ALPK1: variants seen among roughly 807,000 people sequenced by gnomAD.
The protein encoded by ALPK1 is alpha kinase 1, also known as alpha-protein kinase 1.
Under a neutral mutation model 120.6 loss-of-function variants are expected in ALPK1, and 110 were observed. The observed-to-expected ratio is 0.91, with a 90% CI of 0.78 to 1.07. The LOEUF (loss-of-function observed/expected upper bound fraction) is 1.07, where lower values mean the gene tolerates loss of function less well. ALPK1 is among the 50% of genes least tolerant of loss of function. ALPK1 has a pLI of 0.00. For missense variants in ALPK1, 1,498 were observed against 1,483.9 expected, an observed-to-expected ratio of 1.01 and a Z score of -0.16; for synonymous variants, 582 against 560.3, an observed-to-expected ratio of 1.04 and a Z score of -0.55.
intron 2 of ALPK1, among the ~76,000 whole-genome samples, chr4:112,374,304 A>G (rs1454846110): frequency 2.0e-5 from 3 of 152,218 alleles, no homozygotes. Context: ...GCAACGTCCC[A>G]TTCATTCAAG....
Position 112,432,268 on chromosome 4 carries a change from C to G in ALPK1, c.2721C>G (p.Thr907=), listed in dbSNP as rs201034568. ...LFPVLSEDCT[T]TEEGNQPGNM... is the part of the protein sequence containing the mutation. ...CTGTCCTCAGCGAGGACTGCACTAC[C>G]ACAGAGGAAGGAAATCAGCCTGGAA... Residue 907 remains threonine (T), a synonymous_variant, in exon 11 of 16, where the codon ACC becomes ACG. Transcript: ENST00000650871. 9 of 1,614,210 alleles carry G rather than the reference C, an allele frequency of 5.6e-6. No individual in the cohort carries two copies. In the East Asian group the frequency reaches 1.6e-4, roughly 28 times the overall value.
chr4:112,359,836 T>C, intron 2 of ALPK1: 1 of 367,494 alleles, frequency 2.7e-6, no homozygotes, highest in South Asian at 2.3e-5. Flanking sequence ...ATGGAGGCCC[T>C]CAGCATGCCC....
intron 2 of ALPK1, among the ~76,000 whole-genome samples, chr4:112,331,615 A>G (rs1729372617): frequency 6.6e-6 from 1 of 152,214 alleles, no homozygotes; most frequent in African/African-American, 2.4e-5. Context: ...CAGTTTACAT[A>G]TGACAGTGTA....
At position 112,430,672 on chromosome 4, in the gene ALPK1, C is replaced by T. The variant is rs1734498645; in HGVS notation, c.1125C>T (p.Val375=). 2 of 1,614,148 alleles carry T rather than the reference C, an allele frequency of 1.2e-6. No individual in the cohort carries two copies. The highest frequency in any genetic ancestry group is 1.3e-5 in the African/African-American group (1 of 75,034). The change falls in exon 11 of 16, where the codon GTC becomes GTT. Residue 375 remains valine, a synonymous_variant. Transcript: ENST00000650871. The part of the protein sequence containing the change: ...HRRLHGETGT[V]HAASQLCKEA... Reference sequence around the variant, plus strand: ...GGCTCCATGGGGAGACAGGGACGGTCCATGCAGCAAGTCAGCTCTGTAAGG... The same window carrying T: ...GGCTCCATGGGGAGACAGGGACGGTTCATGCAGCAAGTCAGCTCTGTAAGG...
At chr4:112,351,030 T>C (rs1357259021) in intron 2 of ALPK1, among the ~76,000 whole-genome samples, 2 of 152,170 alleles carry the variant, frequency 1.3e-5, no homozygotes, top group African/African-American at 4.8e-5. Flanking sequence ...CAGGCTTGAC[T>C]CACCTTGACC....
chr4:112,313,444 C>G (rs6834329), intron 1 of ALPK1, among the ~76,000 whole-genome samples: 53,757 of 152,086 alleles, frequency 0.35, 10,961 homozygotes, highest in African/African-American at 0.56. Flanking sequence ...TGCTGGAGGC[C>G]GGGCATGGTG....
rs755915623 is a variant in ALPK1, at chr4:112,432,538, G to A, written c.2991G>A (p.Glu997=). 1.8e-5 allele frequency: 29 copies of A among 1,613,918 alleles called. No individual in the cohort carries two copies. Among genetic ancestry groups the A allele is most frequent in the Middle Eastern group, 3.3e-4 (2 of 6,084 alleles). ...ATGATTGGCTGTTTCAGAGACTAGA[G>A]AATACGGGGGTTTTTAAGCCCAGTC... ...VRHDWLFQRL[E]NTGVFKPSQL... is the part of the protein sequence containing the mutation. Residue 997 remains glutamate (E), a synonymous_variant, in exon 11 of 16, where the codon GAG becomes GAA. Transcript: ENST00000650871.
chr4:112,382,289 CTTTTTTTTTT>C (rs34345428), intron 3 of ALPK1, 99 bp from the exon 4 acceptor site: 44 of 671,314 alleles, frequency 6.6e-5, no homozygotes, highest in Middle Eastern at 5.1e-4. Context: ...AGGTTTTTCT[CTTTTTTTTTT>C]TTTTTTTTTT....
intron 2 of ALPK1, among the ~76,000 whole-genome samples, chr4:112,349,166 T>G (rs1730221368): frequency 6.6e-6 from 1 of 152,216 alleles, no homozygotes; most frequent in Non-Finnish European, 1.5e-5. Context: ...ATTCATTAAT[T>G]GAATATGGAT....
At chr4:112,377,412 C>T (rs1263673967) in intron 2 of ALPK1, among the ~76,000 whole-genome samples, 1 of 152,120 alleles carries the variant, frequency 6.6e-6, no homozygotes, top group Admixed American at 6.5e-5. Flanking sequence ...ATATTCATTT[C>T]ATTTGGCCCA....
intron 2 of ALPK1, chr4:112,358,194 G>A (rs1730734822): frequency 6.5e-6 from 4 of 617,374 alleles, no homozygotes; most frequent in Admixed American, 4.0e-5. Flanking sequence ...ATCTGGCACT[G>A]CCAGGACAAC....
chr4:112,420,759 G>A (rs1054426965), intron 5 of ALPK1, among the ~76,000 whole-genome samples: 7 of 151,960 alleles, frequency 4.6e-5, no homozygotes, highest in African/African-American at 1.7e-4. Context: ...AGAATGGTTC[G>A]CCTCAGCTTT....
At chr4:112,337,622 T>C (rs1729676212) in intron 2 of ALPK1, among the ~76,000 whole-genome samples, 2 of 152,178 alleles carry the variant, frequency 1.3e-5, no homozygotes, top group Non-Finnish European at 2.9e-5. Flanking sequence ...GAGGATCATT[T>C]GAGCCAGGAG....
chr4:112,391,626 C>T (rs1732424975), intron 4 of ALPK1, among the ~76,000 whole-genome samples: 1 of 152,100 alleles, frequency 6.6e-6, no homozygotes, highest in South Asian at 2.1e-4. Flanking sequence ...AGGGTAAATG[C>T]CATGTGATGA....
intron 12 of ALPK1, among the ~76,000 whole-genome samples, chr4:112,437,674 A>C (rs764160649): frequency 1.3e-5 from 2 of 152,052 alleles, no homozygotes; most frequent in African/African-American, 2.4e-5. Context: ...CCACTATCAG[A>C]TTTCCTTTCT....
Position 112,438,633 on chromosome 4 carries a change from C to G in ALPK1, c.3338C>G (p.Ser1113Cys), listed in dbSNP as rs188643095. ...CCCACCCAGATATTCTACATCCCAT[C>G]CACAATACTACTGGTAAGATTATCC... is the stretch of plus-strand genomic sequence containing the variant. ...NIPTQIFYIP[S>C]TILLILEDKT... is the part of the protein sequence containing the mutation. The change falls in exon 13 of 16, where the codon TCC becomes TGC. Residue 1113 changes from serine to cysteine, a missense_variant. Coordinates refer to ENST00000650871, the MANE Select transcript of ALPK1 (RefSeq NM_025144.4). The G allele has an allele frequency of 1.2e-6, 2 of 1,613,486 alleles. No homozygotes were observed. Among genetic ancestry groups the G allele is most frequent in the Admixed American group, 3.3e-5 (2 of 59,996 alleles).
At chr4:112,323,910 A>G (rs1435216689) in intron 2 of ALPK1, among the ~76,000 whole-genome samples, 1 of 152,188 alleles carries the variant, frequency 6.6e-6, no homozygotes, top group Non-Finnish European at 1.5e-5. Context: ...TCTGCTCCTC[A>G]TGTCCTCCAA....
chr4:112,356,286 T>C, intron 2 of ALPK1: 1 of 1,095,566 alleles, frequency 9.1e-7, no homozygotes, highest in Non-Finnish European at 1.4e-6. Flanking sequence ...CTGTGCCTCC[T>C]GTGCACCACC....
intron 4 of ALPK1, among the ~76,000 whole-genome samples, chr4:112,385,283 T>A (rs1367801554): frequency 6.6e-6 from 1 of 152,234 alleles, no homozygotes; most frequent in Non-Finnish European, 1.5e-5. Flanking sequence ...GAGTAGACTA[T>A]TTTAAGAGCC....
Sources: gnomAD v4.1 joint callset for allele counts (sites outside exome capture counted in the v4.1 genomes callset) on GRCh38, gnomAD v4.1.1 for gene constraint, MANE v1.5 for transcripts, NCBI Gene and HGNC (gene_info 2026-07-23, HGNC 2026-07-21) for gene names.